The following PTPRM variants were observed in gnomAD, a reference collection of about 807,000 sequenced individuals.
PTPRM encodes the protein protein tyrosine phosphatase receptor type M.
A neutral mutation model predicts 186.7 loss-of-function variants in PTPRM; 47 were observed. The ratio of observed to expected loss-of-function variants is 0.25; its 90% CI spans 0.20 to 0.32. The LOEUF (loss-of-function observed/expected upper bound fraction) is 0.32, where lower values mean the gene tolerates loss of function less well. Among genes scored for constraint, PTPRM ranks in the 10% least tolerant of loss-of-function variants. The probability of loss-of-function intolerance (pLI) is 1.00; values close to 1 mark genes in which losing one functional copy is unlikely to be tolerated. For synonymous variants in PTPRM, 668 were observed against 674.9 expected (o/e 0.99, Z 0.16); for missense variants, 1,494 against 1,865.0 (o/e 0.80, Z 3.66).
intron 23 of PTPRM, among the ~76,000 whole-genome samples, chr18:8,368,991 T>C (rs2095648584): frequency 6.6e-6 from 1 of 152,092 alleles, no homozygotes; most frequent in South Asian, 2.1e-4. Context: ...AGAGCTCACA[T>C]CTATGGAGGA....
At chr18:7,940,773 A>G (rs1298082621) in intron 5 of PTPRM, among the ~76,000 whole-genome samples, 1 of 151,832 alleles carries the variant, frequency 6.6e-6, no homozygotes, top group Non-Finnish European at 1.5e-5. Flanking sequence ...AAACCTCCCC[A>G]TTTTTGTAAT....
chr18:7,819,516 G>A (rs980827167), intron 2 of PTPRM, among the ~76,000 whole-genome samples: 7 of 152,092 alleles, frequency 4.6e-5, no homozygotes, highest in Admixed American at 2.6e-4. Context: ...CAACTCTAGG[G>A]GAAAAGCATC....
chr18:8,076,163 C>A (rs1007903170), intron 8 of PTPRM, among the ~76,000 whole-genome samples: 21 of 152,078 alleles, frequency 1.4e-4, no homozygotes, highest in African/African-American at 5.1e-4. Flanking sequence ...ATTCTCATCA[C>A]TTGAAATCCT....
chr18:8,084,560 G>A (rs2090331380), intron 9 of PTPRM, among the ~76,000 whole-genome samples: 1 of 152,136 alleles, frequency 6.6e-6, no homozygotes, highest in African/African-American at 2.4e-5. Context: ...TTTCAGAGAG[G>A]TCTTCCTAAT....
chr18:8,157,288 A>G (rs1230476940), intron 14 of PTPRM, among the ~76,000 whole-genome samples: 1 of 152,172 alleles, frequency 6.6e-6, no homozygotes, highest in East Asian at 1.9e-4. Context: ...TATTAACTCT[A>G]TTGATAATAT....
chr18:8,032,874 A>G (rs2086077487), intron 7 of PTPRM, among the ~76,000 whole-genome samples: 1 of 152,130 alleles, frequency 6.6e-6, no homozygotes, highest in African/African-American at 2.4e-5. Flanking sequence ...AACCCCCTAT[A>G]GGTTAAGGTT....
chr18:8,065,516 A>G (rs2148406212), intron 7 of PTPRM, among the ~76,000 whole-genome samples: 1 of 152,276 alleles, frequency 6.6e-6, no homozygotes, highest in East Asian at 1.9e-4. Context: ...CTCATCTCTT[A>G]TCATGAGTCA....
intron 1 of PTPRM, among the ~76,000 whole-genome samples, chr18:7,689,816 A>G (rs1298278359): frequency 6.6e-6 from 1 of 152,204 alleles, no homozygotes; most frequent in African/African-American, 2.4e-5. Context: ...TTTAAAAATA[A>G]TATTCTTAAT....
intron 1 of PTPRM, among the ~76,000 whole-genome samples, chr18:7,710,348 C>G (rs2040186013): frequency 1.3e-5 from 2 of 152,086 alleles, no homozygotes; most frequent in African/African-American, 2.4e-5. Context: ...ATCTGGCATC[C>G]CTTTATGATA....
intron 22 of PTPRM, among the ~76,000 whole-genome samples, chr18:8,325,283 G>A (rs1200619602): frequency 3.3e-5 from 5 of 152,116 alleles, no homozygotes; most frequent in African/African-American, 4.8e-5. Context: ...CATAATACCC[G>A]ATAGGTAGTT....
chr18:7,682,877 T>C (rs942437613), intron 1 of PTPRM, among the ~76,000 whole-genome samples: 3 of 152,186 alleles, frequency 2.0e-5, no homozygotes, highest in African/African-American at 4.8e-5. Flanking sequence ...GCCCTGAGAC[T>C]GAAACCTACT....
chr18:8,059,504 G>C lies in PTPRM; in HGVS notation c.1133-10182G>C, dbSNP rs1283672176. On this transcript the variant is annotated intron_variant, in intron 7 of 32. Coordinates refer to ENST00000580170, the MANE Select transcript of PTPRM (RefSeq NM_001105244.2). ...TTCCAACACTATGTTGAATAGGAGC[G>C]GTGAGAGAGGGCATCCCTGTCTTGT... 5.4e-3 allele frequency among the ~76,000 whole-genome samples: 125 copies of C among 23,226 alleles called. 1 individual carries two copies. The highest frequency in any genetic ancestry group is 0.024 in the South Asian group (11 of 456). The allele number at this position is 23,226 out of a possible 152,430, so 15.2% of individuals were successfully genotyped here.
At chr18:7,980,212 C>T (rs976340823) in intron 7 of PTPRM, among the ~76,000 whole-genome samples, 11 of 152,174 alleles carry the variant, frequency 7.2e-5, no homozygotes, top group South Asian at 2.1e-4. Flanking sequence ...CTCACCTCTG[C>T]ACCACATCAA....
chr18:8,006,477 A>G (rs2084193164), intron 7 of PTPRM, among the ~76,000 whole-genome samples: 1 of 152,170 alleles, frequency 6.6e-6, no homozygotes, highest in South Asian at 2.1e-4. Context: ...CTTTGTGAGA[A>G]AATACTTGCA....
intron 2 of PTPRM, among the ~76,000 whole-genome samples, chr18:7,870,928 A>G (rs2047952755): frequency 1.3e-5 from 2 of 152,226 alleles, no homozygotes; most frequent in South Asian, 2.1e-4. Context: ...AATAATGGTT[A>G]GTTTTGACGT....
chr18:7,921,628 C>T (rs1357962823), intron 4 of PTPRM, among the ~76,000 whole-genome samples: 1 of 152,142 alleles, frequency 6.6e-6, no homozygotes, highest in Non-Finnish European at 1.5e-5. Context: ...GATCTGCCCT[C>T]CTCGGCCTCT....
At chr18:8,087,017 G>A (rs1454631135) in intron 10 of PTPRM, among the ~76,000 whole-genome samples, 3 of 152,010 alleles carry the variant, frequency 2.0e-5, no homozygotes, top group African/African-American at 7.2e-5. Flanking sequence ...AAGAAAATGG[G>A]TTGGTAGAAG....
intron 14 of PTPRM, among the ~76,000 whole-genome samples, chr18:8,147,775 T>A (rs2092919031): frequency 6.6e-6 from 1 of 152,230 alleles, no homozygotes. Context: ...TGATATTGGC[T>A]GTGGGTTTGT....
chr18:7,942,390 T>C (rs2052236598), intron 5 of PTPRM, among the ~76,000 whole-genome samples: 1 of 151,988 alleles, frequency 6.6e-6, no homozygotes, highest in Non-Finnish European at 1.5e-5. Context: ...GACAGTCGTG[T>C]AGAAGTGTGA....
Sources: gnomAD v4.1 joint callset for allele counts (sites outside exome capture counted in the v4.1 genomes callset) on GRCh38, gnomAD v4.1.1 for gene constraint, MANE v1.5 for transcripts, NCBI Gene and HGNC (gene_info 2026-07-23, HGNC 2026-07-21) for gene names.